FBXL13: variants seen among roughly 807,000 people sequenced by gnomAD.
FBXL13 encodes the protein F-box and leucine rich repeat protein 13.
FBXL13 carries 67 observed loss-of-function variants against 83.6 expected under a neutral mutation model. The observed-to-expected ratio is 0.80, with a 90% CI of 0.66 to 0.98. The LOEUF (loss-of-function observed/expected upper bound fraction) is 0.98, where lower values mean the gene tolerates loss of function less well. FBXL13 is among the 50% of genes least tolerant of loss of function. The probability of loss-of-function intolerance (pLI) is 0.00; values close to 1 mark genes in which losing one functional copy is unlikely to be tolerated. For missense variants in FBXL13, 822 were observed against 866.5 expected (o/e 0.95, Z 0.64); for synonymous variants, 272 against 299.5 (o/e 0.91, Z 0.95).
chr7:102,884,448 G>A, intron 11 of FBXL13, 136 bp from the exon 13 acceptor site: 1 of 617,904 alleles, frequency 1.6e-6, no homozygotes, highest in South Asian at 2.1e-5. Flanking sequence ...GACACAAGAG[G>A]GAAAGAATCT....
intron 6 of FBXL13, among the ~76,000 whole-genome samples, chr7:103,011,839 T>C (rs561022228): frequency 1.1e-4 from 17 of 151,952 alleles, no homozygotes; most frequent in Non-Finnish European, 2.1e-4. Flanking sequence ...CCAAGAAATA[T>C]GGGATTATGT....
chr7:102,890,676 G>T (rs1811431134), intron 11 of FBXL13, among the ~76,000 whole-genome samples: 1 of 152,180 alleles, frequency 6.6e-6, no homozygotes, highest in South Asian at 2.1e-4. Flanking sequence ...CCGCTCTAAG[G>T]TAGTAAAAAG....
intron 17 of FBXL13, among the ~76,000 whole-genome samples, chr7:102,848,155 G>C (rs1804366492): frequency 6.6e-6 from 1 of 152,048 alleles, no homozygotes; most frequent in African/African-American, 2.4e-5. Context: ...TTAGCACCTG[G>C]CTGCTAATGA....
chr7:102,820,462 AT>A (rs1008891994), intron 19 of FBXL13, among the ~76,000 whole-genome samples: 120 of 152,012 alleles, frequency 7.9e-4, no homozygotes, highest in Non-Finnish European at 1.3e-3. Context: ...GCCTTGTTTT[AT>A]TTTTTTTGCA....
At chr7:102,980,732 G>A (rs560560048) in intron 6 of FBXL13, among the ~76,000 whole-genome samples, 1 of 151,820 alleles carries the variant, frequency 6.6e-6, no homozygotes, top group East Asian at 1.9e-4. Context: ...AGCTGAGATC[G>A]TGCCACTGCA....
intron 16 of FBXL13, among the ~76,000 whole-genome samples, chr7:102,855,967 TTC>T (rs1805992534): frequency 6.6e-6 from 1 of 152,124 alleles, no homozygotes; most frequent in South Asian, 2.1e-4. Flanking sequence ...GATTTCTAAT[TTC>T]TTTTAATGGT....
At chr7:102,920,620 G>T (rs1158672984) in intron 10 of FBXL13, among the ~76,000 whole-genome samples, 1 of 151,948 alleles carries the variant, frequency 6.6e-6, no homozygotes, top group Admixed American at 6.6e-5. Context: ...CAAACTGCTG[G>T]GTTACAGCAA....
At chr7:102,980,939 C>T (rs1318011965) in intron 6 of FBXL13, among the ~76,000 whole-genome samples, 4 of 151,770 alleles carry the variant, frequency 2.6e-5, no homozygotes. Flanking sequence ...TGTCAAAGAA[C>T]ATGATAAAGA....
At chr7:103,038,937 C>T (rs1293616279) in intron 2 of FBXL13, among the ~76,000 whole-genome samples, 1 of 152,168 alleles carries the variant, frequency 6.6e-6, no homozygotes, top group Admixed American at 6.5e-5. Context: ...CAGCTCCTCG[C>T]CAGCAAGGGG....
chr7:103,055,007 C>G (rs1455875016), intron 2 of FBXL13, 81 bp downstream of exon 3: 1 of 866,466 alleles, frequency 1.2e-6, no homozygotes, highest in African/African-American at 1.8e-5. Context: ...CCTCACACCT[C>G]CCATAAATAT....
At chr7:102,989,533 G>T (rs1829343743) in intron 6 of FBXL13, among the ~76,000 whole-genome samples, 1 of 152,178 alleles carries the variant, frequency 6.6e-6, no homozygotes, top group African/African-American at 2.4e-5. Flanking sequence ...AAAGAACTAG[G>T]CTTGCAATTC....
intron 8 of FBXL13, among the ~76,000 whole-genome samples, chr7:102,947,568 A>T (rs535662386): frequency 1.3e-5 from 2 of 152,270 alleles, no homozygotes; most frequent in South Asian, 4.2e-4. Context: ...AGTGTAGTTG[A>T]TTCATGATGG....
intron 16 of FBXL13, among the ~76,000 whole-genome samples, chr7:102,863,201 A>C (rs1333816825): frequency 6.6e-6 from 1 of 152,200 alleles, no homozygotes; most frequent in Non-Finnish European, 1.5e-5. Context: ...ATTTAAATAC[A>C]ATGGCTCCTT....
rs1158192792 is a variant in FBXL13 at position 102,883,577 on chromosome 7, G to A, written c.1216C>T (p.Arg406Ter). Residue 406 changes from arginine to a stop codon, truncating the protein, a stop_gained, in exon 13 of 20, where the codon CGA becomes TGA. Transcript: ENST00000313221. LOFTEE classifies it high-confidence loss of function. ...TTTTAATATAACAGACCTTCAAATCGGATCTTTCTGAGTTTACAAGCAGAA... is the reference window on the plus strand; with the variant it reads ...TTTTAATATAACAGACCTTCAAATCAGATCTTTCTGAGTTTACAAGCAGAA... 42 of 1,606,154 alleles carry A rather than the reference G, an allele frequency of 2.6e-5. No individual in the cohort carries two copies. In the Middle Eastern group the frequency reaches 6.6e-4, roughly 25 times the overall value.
At position 102,918,059 on chromosome 7, in the gene FBXL13, T is replaced by A. The variant is rs147895662; in HGVS notation, c.879-4844A>T. On this transcript the variant is annotated intron_variant, in intron 10 of 19. Transcript: ENST00000313221. ...ATTTTTCTCTTGGCAAGTACTTTTT[T>A]TGGAAAGAAATACTAAAAGCAATGA... Among the ~76,000 whole-genome samples, 38 of 152,284 alleles carry A rather than the reference T, an allele frequency of 2.5e-4. No individual in the cohort carries two copies. The East Asian group carries it at 6.4e-3, about 25-fold the overall frequency.
At chr7:103,021,840 G>A (rs1793214175) in intron 6 of FBXL13, among the ~76,000 whole-genome samples, 1 of 152,128 alleles carries the variant, frequency 6.6e-6, no homozygotes, top group Non-Finnish European at 1.5e-5. Context: ...ACAAGTGCTG[G>A]AGAGGATGTG....
intron 16 of FBXL13, among the ~76,000 whole-genome samples, chr7:102,870,260 C>T (rs936102156): frequency 6.6e-6 from 1 of 152,150 alleles, no homozygotes; most frequent in African/African-American, 2.4e-5. Flanking sequence ...ATATACAGCA[C>T]ATTAGGAACT....
intron 16 of FBXL13, among the ~76,000 whole-genome samples, chr7:102,875,535 G>C (rs1368571594): frequency 6.6e-6 from 1 of 152,068 alleles, no homozygotes; most frequent in Non-Finnish European, 1.5e-5. Flanking sequence ...TAAGTAGATG[G>C]GAACCCATTC....
chr7:103,033,485 C>A (rs957024289), intron 2 of FBXL13, among the ~76,000 whole-genome samples: 2 of 152,190 alleles, frequency 1.3e-5, no homozygotes, highest in African/African-American at 2.4e-5. Flanking sequence ...GAGTTTGTTC[C>A]TTCTGATGTT....
Sources: gnomAD v4.1 joint callset for allele counts (sites outside exome capture counted in the v4.1 genomes callset) on GRCh38, gnomAD v4.1.1 for gene constraint, MANE v1.5 for transcripts, NCBI Gene and HGNC (gene_info 2026-07-23, HGNC 2026-07-21) for gene names.